EYS: variants seen among roughly 807,000 people sequenced by gnomAD.
EYS encodes the protein EGF-like photoreceptor maintenance factor.
In EYS, 250 loss-of-function variants were observed where a neutral mutation model predicts 282.1. The ratio of observed to expected loss-of-function variants is 0.89; its 90% CI spans 0.80 to 0.98. EYS has a LOEUF of 0.98. Ranked by LOEUF, EYS falls within the 50% of genes least tolerant of loss-of-function variation. The probability of loss-of-function intolerance (pLI) is 0.00; values close to 1 mark genes in which losing one functional copy is unlikely to be tolerated. For missense variants in EYS, 4,016 were observed against 3,709.0 expected, an observed-to-expected ratio of 1.08 and a Z score of -2.15; for synonymous variants, 1,355 against 1,282.9, an observed-to-expected ratio of 1.06 and a Z score of -1.20.
chr6:63,884,025 C>T (rs1396486790), intron 35 of EYS, among the ~76,000 whole-genome samples: 1 of 152,108 alleles, frequency 6.6e-6, no homozygotes, highest in African/African-American at 2.4e-5. Flanking sequence ...TACACATTTA[C>T]TTGTATTGTA....
intron 31 of EYS, among the ~76,000 whole-genome samples, chr6:64,172,140 TAG>T (rs1016293496): frequency 1.6e-4 from 24 of 152,308 alleles, no homozygotes; most frequent in African/African-American, 5.5e-4. Flanking sequence ...CTGATCTATG[TAG>T]AGAGTTGATA....
intron 15 of EYS, among the ~76,000 whole-genome samples, chr6:64,920,719 T>C (rs1381100278): frequency 6.6e-6 from 1 of 152,132 alleles, no homozygotes; most frequent in Non-Finnish European, 1.5e-5. Flanking sequence ...ATCTTTCAAA[T>C]ACAGTTTAAA....
At chr6:64,752,377 TAAC>T (rs1368388866) in intron 22 of EYS, among the ~76,000 whole-genome samples, 1 of 151,992 alleles carries the variant, frequency 6.6e-6, no homozygotes, top group East Asian at 1.9e-4. Context: ...TTGAAAGCCT[TAAC>T]AACAGACTAG....
intron 12 of EYS, among the ~76,000 whole-genome samples, chr6:65,251,339 CTA>C: frequency 6.6e-6 from 1 of 151,108 alleles, no homozygotes; most frequent in East Asian, 1.9e-4. Flanking sequence ...GTAAAATAAA[CTA>C]TAAAATAGTG....
chr6:64,737,180 T>C (rs527573963), intron 22 of EYS, among the ~76,000 whole-genome samples: 3 of 152,230 alleles, frequency 2.0e-5, no homozygotes, highest in Non-Finnish European at 4.4e-5. Context: ...CACTGTGATA[T>C]AAAAAGTTTC....
At chr6:65,179,081 T>C (rs1020656003) in intron 12 of EYS, among the ~76,000 whole-genome samples, 5 of 152,114 alleles carry the variant, frequency 3.3e-5, no homozygotes, top group African/African-American at 1.2e-4. Flanking sequence ...GGGAAATTTA[T>C]AGCACTAAAT....
At chr6:64,293,205 T>C (rs1271855132) in intron 30 of EYS, among the ~76,000 whole-genome samples, 1 of 152,118 alleles carries the variant, frequency 6.6e-6, no homozygotes, top group African/African-American at 2.4e-5. Context: ...ATTGCTATTA[T>C]TTAAAGAGTA....
chr6:64,958,543 C>T (rs979755137), intron 14 of EYS, among the ~76,000 whole-genome samples: 6 of 151,398 alleles, frequency 4.0e-5, no homozygotes, highest in Non-Finnish European at 8.8e-5. Context: ...GTCAGGAGAT[C>T]GAGACCACGG....
intron 26 of EYS, among the ~76,000 whole-genome samples, chr6:64,440,121 A>T (rs1413360870): frequency 6.6e-6 from 1 of 151,814 alleles, no homozygotes; most frequent in Non-Finnish European, 1.5e-5. Context: ...CCCCAACACA[A>T]GCTTTCTTTC....
chr6:64,341,644 C>A (rs1771116921), intron 29 of EYS, among the ~76,000 whole-genome samples: 1 of 151,698 alleles, frequency 6.6e-6, no homozygotes, highest in African/African-American at 2.4e-5. Context: ...CTAATTCTCA[C>A]ATTTACCCCC....
chr6:65,519,586 T>TG (rs1453444196), intron 2 of EYS, among the ~76,000 whole-genome samples: 1 of 147,330 alleles, frequency 6.8e-6, no homozygotes, highest in African/African-American at 2.5e-5. Context: ...ATATTTTTCA[T>TG]GAAATATCAC....
chr6:64,524,427 T>C (rs1377446939), intron 26 of EYS, among the ~76,000 whole-genome samples: 1 of 151,824 alleles, frequency 6.6e-6, no homozygotes, highest in Admixed American at 6.6e-5. Flanking sequence ...CTGTAGGTTG[T>C]CTATTTCCTC....
At chr6:65,487,600 G>A (rs879207874) in intron 5 of EYS, among the ~76,000 whole-genome samples, 5 of 151,984 alleles carry the variant, frequency 3.3e-5, no homozygotes, top group South Asian at 2.1e-4. Context: ...GGATTTTTGC[G>A]TCAATGTTCA....
chr6:65,673,731 G>T (rs797001277), intron 1 of EYS, among the ~76,000 whole-genome samples: 13 of 152,128 alleles, frequency 8.5e-5, no homozygotes, highest in African/African-American at 3.1e-4. Flanking sequence ...ATAAAGGCCG[G>T]TCTGTTACTG....
chr6:64,199,435 G>A (rs531400078), intron 31 of EYS, among the ~76,000 whole-genome samples: 2 of 152,154 alleles, frequency 1.3e-5, no homozygotes, highest in East Asian at 3.9e-4. Context: ...AATTAAAATG[G>A]ATTAAAGACT....
At chr6:64,392,602 A>G (rs920218733) in intron 28 of EYS, among the ~76,000 whole-genome samples, 4 of 151,576 alleles carry the variant, frequency 2.6e-5, no homozygotes, top group Non-Finnish European at 5.9e-5. Context: ...ACAACATACC[A>G]GAATCTCTGG....
At chr6:65,619,955 C>G (rs1766404178) in intron 2 of EYS, among the ~76,000 whole-genome samples, 1 of 151,538 alleles carries the variant, frequency 6.6e-6, no homozygotes. Context: ...ATTCGGTTTG[C>G]CAGTATTTTA....
chr6:64,877,414 T>C (rs1473090871), intron 19 of EYS, among the ~76,000 whole-genome samples: 8 of 152,190 alleles, frequency 5.3e-5, no homozygotes, highest in African/African-American at 2.4e-5. Context: ...AGTATATTTA[T>C]GGTATTTTTT....
At chr6:65,023,893 G>T (rs1772321850) in intron 13 of EYS, among the ~76,000 whole-genome samples, 1 of 152,138 alleles carries the variant, frequency 6.6e-6, no homozygotes, top group South Asian at 2.1e-4. Context: ...TCAAATTCTA[G>T]GTTAAACATC....
Sources: allele counts gnomAD v4.1 joint callset (sites outside exome capture counted in the v4.1 genomes callset), GRCh38; gene constraint gnomAD v4.1.1; transcripts MANE v1.5; gene names NCBI Gene and HGNC (gene_info 2026-07-23, HGNC 2026-07-21).